RBFOX2: variants seen among roughly 807,000 people sequenced by gnomAD.
The protein encoded by RBFOX2 is RNA binding fox-1 homolog 2, also known as RNA binding protein fox-1 homolog 2.
RBFOX2 carries 10 observed loss-of-function variants against 49.1 expected under a neutral mutation model. The observed-to-expected ratio is 0.20, with a 90% CI of 0.13 to 0.35. The LOEUF is 0.35. Ranked by LOEUF, RBFOX2 falls within the 10% of genes least tolerant of loss-of-function variation. The probability of loss-of-function intolerance (pLI) is 1.00; values close to 1 mark genes in which losing one functional copy is unlikely to be tolerated. For synonymous variants in RBFOX2, 183 were observed against 187.4 expected, an observed-to-expected ratio of 0.98 and a Z score of 0.19; for missense variants, 323 against 486.9, an observed-to-expected ratio of 0.66 and a Z score of 3.17.
intron 1 of RBFOX2, among the ~76,000 whole-genome samples, chr22:35,982,193 T>C (rs1255351253): frequency 6.6e-6 from 1 of 152,184 alleles, no homozygotes; most frequent in Non-Finnish European, 1.5e-5. Flanking sequence ...AAAGCTGCTA[T>C]ACTTTTGAAC....
intron 1 of RBFOX2, among the ~76,000 whole-genome samples, chr22:35,821,415 A>C (rs1244371680): frequency 6.6e-6 from 1 of 151,942 alleles, no homozygotes; most frequent in Non-Finnish European, 1.5e-5. Context: ...CAGCCTGGCC[A>C]ACATGGCGAA....
chr22:35,883,384 G>A (rs565164452), intron 1 of RBFOX2, among the ~76,000 whole-genome samples: 23 of 152,342 alleles, frequency 1.5e-4, no homozygotes, highest in African/African-American at 5.5e-4. Flanking sequence ...AAGGCTAGAA[G>A]CCCTATTGTT....
intron 2 of RBFOX2, among the ~76,000 whole-genome samples, chr22:35,800,874 A>C (rs1211254698): frequency 6.6e-6 from 1 of 152,242 alleles, no homozygotes; most frequent in Non-Finnish European, 1.5e-5. Flanking sequence ...CAGTCAGCTT[A>C]CGGTTCTACT....
At chr22:35,804,109 C>T (rs535355672) in intron 2 of RBFOX2, among the ~76,000 whole-genome samples, 2 of 152,250 alleles carry the variant, frequency 1.3e-5, no homozygotes, top group African/African-American at 2.4e-5. Context: ...GAAACCCCAT[C>T]TCTACTAAAA....
At chr22:35,793,053 C>T (rs2147590605) in intron 2 of RBFOX2, among the ~76,000 whole-genome samples, 1 of 152,334 alleles carries the variant, frequency 6.6e-6, no homozygotes. Flanking sequence ...TGCATGCCAC[C>T]ATGCCTAGCT....
chr22:35,942,413 A>G (rs1250999290), upstream of RBFOX2, among the ~76,000 whole-genome samples: 1 of 152,150 alleles, frequency 6.6e-6, no homozygotes, highest in Non-Finnish European at 1.5e-5. Flanking sequence ...ATCTCTATCT[A>G]GACAAAGAAG....
intron 1 of RBFOX2, among the ~76,000 whole-genome samples, chr22:35,899,177 C>CATAACAT (rs1228021585): frequency 2.0e-5 from 3 of 149,502 alleles, no homozygotes; most frequent in Admixed American, 2.0e-4. Flanking sequence ...CATAACATAA[C>CATAACAT]AAACATAAAA....
At chr22:35,974,895 G>T (rs1233788202) in intron 1 of RBFOX2, among the ~76,000 whole-genome samples, 1 of 151,958 alleles carries the variant, frequency 6.6e-6, no homozygotes, top group Non-Finnish European at 1.5e-5. Flanking sequence ...CCTTTTCTCT[G>T]ACCTTCTCTC....
chr22:35,898,251 G>T, intron 1 of RBFOX2: 2 of 754,398 alleles, frequency 2.7e-6, no homozygotes, highest in South Asian at 1.4e-5. Flanking sequence ...CAATCCCACT[G>T]ACTTGAGGAA....
intron 1 of RBFOX2, among the ~76,000 whole-genome samples, chr22:35,923,206 G>T (rs900238012): frequency 2.0e-5 from 3 of 152,202 alleles, no homozygotes; most frequent in African/African-American, 7.2e-5. Flanking sequence ...TTAAGTATCA[G>T]TCCAAACTGG....
intron 9 of RBFOX2, among the ~76,000 whole-genome samples, chr22:35,754,859 T>C (rs1266169837): frequency 6.6e-6 from 1 of 152,178 alleles, no homozygotes; most frequent in Non-Finnish European, 1.5e-5. Flanking sequence ...AATATATCTG[T>C]AAGTTAGGAG....
intron 1 of RBFOX2, among the ~76,000 whole-genome samples, chr22:35,879,400 ATTAT>A (rs1357738491): frequency 6.6e-6 from 1 of 152,250 alleles, no homozygotes; most frequent in Non-Finnish European, 1.5e-5. Flanking sequence ...CACTCCAGAG[ATTAT>A]TTAAAGTATA....
chr22:35,935,653 C>T (rs1239116399), intron 1 of RBFOX2, among the ~76,000 whole-genome samples: 1 of 152,110 alleles, frequency 6.6e-6, no homozygotes, highest in Admixed American at 6.5e-5. Flanking sequence ...AAGAAGTCTA[C>T]GAAGCCCCCA....
chr22:35,825,904 C>G (rs1955576329), intron 1 of RBFOX2, among the ~76,000 whole-genome samples: 1 of 150,648 alleles, frequency 6.6e-6, no homozygotes, highest in African/African-American at 2.5e-5. Flanking sequence ...ATCACTTGAA[C>G]CCGGGAGGTG....
At chr22:35,904,809 C>T (rs1004252949) in intron 1 of RBFOX2, among the ~76,000 whole-genome samples, 10 of 152,172 alleles carry the variant, frequency 6.6e-5, no homozygotes, top group Admixed American at 1.3e-4. Flanking sequence ...TCGTCTAACA[C>T]GCAGCCAGCT....
chr22:35,852,236 T>C (rs532041012), intron 1 of RBFOX2, among the ~76,000 whole-genome samples: 10 of 152,172 alleles, frequency 6.6e-5, no homozygotes, highest in African/African-American at 2.4e-4. Context: ...CCATTTTATA[T>C]AAGAAACTTG....
At chr22:35,888,175 A>G (rs984965178) in intron 1 of RBFOX2, among the ~76,000 whole-genome samples, 2 of 152,120 alleles carry the variant, frequency 1.3e-5, no homozygotes, top group African/African-American at 4.8e-5. Flanking sequence ...AACTCACACA[A>G]CTGACTCGCC....
chr22:35,795,865 C>T (rs951812790), intron 2 of RBFOX2, among the ~76,000 whole-genome samples: 1 of 152,128 alleles, frequency 6.6e-6, no homozygotes, highest in African/African-American at 2.4e-5. Flanking sequence ...TATAATTTAG[C>T]TTTATCAGCC....
In RBFOX2 at chr22:35,885,843, A is replaced by ATTTTTTTTTTTTTTT. The variant is rs538674450; in HGVS notation, c.-34+52989_-34+53003dup. On this transcript the variant is annotated intron_variant, in intron 1 of 13. Coordinates refer to the RBFOX2 transcript ENST00000359369. Reference sequence around the variant, plus strand: ...TTGGGTTAAGTGAAACCCAAACCTAATTTTTTTTTTTTTTTTTTTTTTTTT... The same window carrying ATTTTTTTTTTTTTTT: ...TTGGGTTAAGTGAAACCCAAACCTAATTTTTTTTTTTTTTTTTTTTTTTTTTTTTTTTTTTTTTTT... 3.6e-5 allele frequency among the ~76,000 whole-genome samples: 3 copies of ATTTTTTTTTTTTTTT among 83,146 alleles called. 1 individual carries two copies. The highest frequency in any genetic ancestry group is 1.6e-4 in the African/African-American group (3 of 18,738). The allele number at this position is 83,146 out of a possible 152,430, so 54.5% of individuals were successfully genotyped here.
Sources: gnomAD v4.1 joint callset for allele counts (sites outside exome capture counted in the v4.1 genomes callset) on GRCh38, gnomAD v4.1.1 for gene constraint, MANE v1.5 for transcripts, NCBI Gene and HGNC (gene_info 2026-07-23, HGNC 2026-07-21) for gene names.